The following NRG3 variants were observed in gnomAD, a reference collection of about 807,000 sequenced individuals.
NRG3 encodes neuregulin 3.
NRG3 carries 31 observed loss-of-function variants against 66.9 expected under a neutral mutation model. That is an observed-to-expected ratio of 0.46 (90% confidence interval 0.35 to 0.63). The LOEUF is 0.63. NRG3 is among the 20% of genes least tolerant of loss of function. NRG3 has a pLI of 0.00. For missense variants in NRG3, 910 were observed against 878.9 expected (o/e 1.04, Z -0.45); for synonymous variants, 393 against 359.4 (o/e 1.09, Z -1.06).
At chr10:82,103,969 G>A (rs972293869) in intron 1 of NRG3, among the ~76,000 whole-genome samples, 7 of 148,454 alleles carry the variant, frequency 4.7e-5, no homozygotes, top group Non-Finnish European at 1.0e-4. Context: ...GATTTTTCTC[G>A]TGCCTTTTTT....
chr10:81,899,960 G>T (rs868456680), intron 1 of NRG3, among the ~76,000 whole-genome samples: 7 of 151,632 alleles, frequency 4.6e-5, no homozygotes, highest in Non-Finnish European at 7.4e-5. Flanking sequence ...TGGCACCCTA[G>T]GTTTTTCTTT....
chr10:82,694,912 G>C (rs1207820404), intron 2 of NRG3, among the ~76,000 whole-genome samples: 1 of 152,090 alleles, frequency 6.6e-6, no homozygotes, highest in Non-Finnish European at 1.5e-5. Context: ...AACTTAAATA[G>C]ATAACATAAG....
chr10:82,577,778 G>T (rs2046115518), intron 2 of NRG3, among the ~76,000 whole-genome samples: 1 of 151,742 alleles, frequency 6.6e-6, no homozygotes, highest in Non-Finnish European at 1.5e-5. Context: ...AACAGTGAAA[G>T]ATAAATATAC....
At chr10:82,625,690 A>G (rs1328943571) in intron 2 of NRG3, among the ~76,000 whole-genome samples, 1 of 152,050 alleles carries the variant, frequency 6.6e-6, no homozygotes, top group Non-Finnish European at 1.5e-5. Context: ...TGACCCAAAC[A>G]TTTCTCCTCA....
chr10:82,613,623 G>T (rs991953763), intron 2 of NRG3, among the ~76,000 whole-genome samples: 1 of 151,584 alleles, frequency 6.6e-6, no homozygotes, highest in Non-Finnish European at 1.5e-5. Flanking sequence ...AATAGATACA[G>T]TTGTGATATT....
At chr10:82,649,259 C>A (rs1045934769) in intron 2 of NRG3, among the ~76,000 whole-genome samples, 2 of 152,130 alleles carry the variant, frequency 1.3e-5, no homozygotes, top group Non-Finnish European at 2.9e-5. Context: ...CTACCTCCTG[C>A]CTCCCCTTCA....
At chr10:82,186,971 C>T (rs1249219525) in intron 1 of NRG3, among the ~76,000 whole-genome samples, 1 of 152,112 alleles carries the variant, frequency 6.6e-6, no homozygotes, top group Non-Finnish European at 1.5e-5. Flanking sequence ...TACTTCCTGG[C>T]ATCAAAGCTA....
chr10:82,378,507 T>TTTCC (rs2085405612), intron 2 of NRG3, among the ~76,000 whole-genome samples: 1 of 151,978 alleles, frequency 6.6e-6, no homozygotes, highest in South Asian at 2.1e-4. Context: ...TCTTTGCTTC[T>TTTCC]TTCCTTCCTT....
At chr10:81,965,729 T>C (rs1331098238) in intron 1 of NRG3, among the ~76,000 whole-genome samples, 1 of 152,166 alleles carries the variant, frequency 6.6e-6, no homozygotes, top group Non-Finnish European at 1.5e-5. Context: ...AAAGTGTGAA[T>C]TTTTTGTATG....
At chr10:82,484,105 G>T (rs866197905) in intron 2 of NRG3, among the ~76,000 whole-genome samples, 7 of 152,146 alleles carry the variant, frequency 4.6e-5, no homozygotes, top group Admixed American at 2.0e-4. Flanking sequence ...ACAGTGTAAT[G>T]ATTTAAAACA....
At chr10:82,748,988 T>C (rs2058752162) in intron 3 of NRG3, among the ~76,000 whole-genome samples, 2 of 152,128 alleles carry the variant, frequency 1.3e-5, no homozygotes, top group South Asian at 4.1e-4. Context: ...ATTGCTTCTC[T>C]TCCTTTGAGC....
rs763367653 is a variant in NRG3 at position 82,800,234 on chromosome 10, G to A, written c.1027+61584G>A. Among the ~76,000 whole-genome samples, 3 of 152,154 alleles carry A rather than the reference G, an allele frequency of 2.0e-5. No homozygotes were observed. In the South Asian group the frequency reaches 6.2e-4, roughly 31 times the overall value. ...AAGTTAACATTAGCAAAATGTTTTA[G>A]CAATGCTCTGGGTTTCTACATCTTT... On this transcript the variant is annotated intron_variant, in intron 3 of 8. Coordinates refer to ENST00000372141, the MANE Select transcript of NRG3 (RefSeq NM_001010848.4).
chr10:81,941,880 G>A (rs943761732), intron 1 of NRG3, among the ~76,000 whole-genome samples: 2 of 152,054 alleles, frequency 1.3e-5, no homozygotes, highest in African/African-American at 4.8e-5. Context: ...TTGAACTTCT[G>A]CATTAGCATT....
intron 3 of NRG3, chr10:82,859,037 C>T (rs1216998090): frequency 1.3e-5 from 2 of 151,544 alleles, no homozygotes; most frequent in East Asian, 3.9e-4. Flanking sequence ...AGCTCCGCCT[C>T]CCCGGTTCAT....
At chr10:82,302,389 T>G (rs1308686150) in intron 1 of NRG3, among the ~76,000 whole-genome samples, 1 of 152,146 alleles carries the variant, frequency 6.6e-6, no homozygotes, top group Non-Finnish European at 1.5e-5. Context: ...ACCATATTGT[T>G]AATAGTGCAG....
chr10:81,958,723 G>A (rs1452476215), intron 1 of NRG3, among the ~76,000 whole-genome samples: 1 of 151,964 alleles, frequency 6.6e-6, no homozygotes, highest in African/African-American at 2.4e-5. Flanking sequence ...AATCCTGTCT[G>A]TACTAAAAAT....
At position 82,473,475 on chromosome 10, in the gene NRG3, C is replaced by T. The variant is rs549062994; in HGVS notation, c.953+114607C>T. ...GCAACATGAAAACAAACAAACAAAC[C>T]AACAAACAAACAAAACCAGCAACTA... is the stretch of plus-strand genomic sequence containing the variant. On this transcript the variant is annotated intron_variant, in intron 2 of 8. Transcript: ENST00000372141. 2.0e-5 allele frequency among the ~76,000 whole-genome samples: 3 copies of T among 152,110 alleles called. No individual in the cohort carries two copies. The South Asian group carries it at 6.2e-4, about 32-fold the overall frequency.
chr10:82,938,975 A>G (rs1046135877), intron 4 of NRG3, among the ~76,000 whole-genome samples: 1 of 152,232 alleles, frequency 6.6e-6, no homozygotes, highest in East Asian at 1.9e-4. Context: ...GTGAACTCGG[A>G]CACCACAGAC....
chr10:82,684,230 T>A (rs2054331440), intron 2 of NRG3, among the ~76,000 whole-genome samples: 1 of 152,220 alleles, frequency 6.6e-6, no homozygotes. Flanking sequence ...ATCATGCTCT[T>A]GCACTAAGCA....
Sources: gnomAD v4.1 joint callset for allele counts (sites outside exome capture counted in the v4.1 genomes callset) on GRCh38, gnomAD v4.1.1 for gene constraint, MANE v1.5 for transcripts, NCBI Gene and HGNC (gene_info 2026-07-23, HGNC 2026-07-21) for gene names.